Variants in CORO7 observed in about 807,000 individuals in gnomAD.
The protein encoded by CORO7 is coronin-7.
Under a neutral mutation model 126.6 loss-of-function variants are expected in CORO7, and 107 were observed. The ratio of observed to expected loss-of-function variants is 0.85; its 90% CI spans 0.72 to 0.99. CORO7 has a LOEUF of 0.99. Among genes scored for constraint, CORO7 ranks in the 50% least tolerant of loss-of-function variants. The pLI, the probability that CORO7 is intolerant of heterozygous loss-of-function variation, is 0.00. For synonymous variants in CORO7, 603 were observed against 536.8 expected (o/e 1.12, Z -1.70); for missense variants, 1,314 against 1,255.8 (o/e 1.05, Z -0.70).
chr16:4,380,249 C>A (rs1400774154), intron 9 of CORO7, among the ~76,000 whole-genome samples: 1 of 152,206 alleles, frequency 6.6e-6, no homozygotes, highest in African/African-American at 2.4e-5. Context: ...TGGCCTCTGC[C>A]CCTCCTCCAG....
intron 20 of CORO7, 34 bp from the exon 21 acceptor site, chr16:4,360,397 A>C: frequency 6.2e-7 from 1 of 1,613,096 alleles, no homozygotes; most frequent in Non-Finnish European, 8.5e-7. Context: ...CCCAGCCAGC[A>C]CCCCTGAACC....
intron 9 of CORO7, chr16:4,381,803 T>C (rs1331540624): frequency 5.6e-6 from 9 of 1,600,460 alleles, no homozygotes; most frequent in African/African-American, 1.3e-5. Flanking sequence ...CTGAGCTGGT[T>C]TGGCCCCTGG....
At chr16:4,384,508 A>G (rs2055122820) in intron 9 of CORO7, among the ~76,000 whole-genome samples, 1 of 152,150 alleles carries the variant, frequency 6.6e-6, no homozygotes, top group Non-Finnish European at 1.5e-5. Flanking sequence ...ACCCCATGCC[A>G]CTGTCCCACA....
intron 9 of CORO7, among the ~76,000 whole-genome samples, chr16:4,378,517 G>A (rs1330502987): frequency 1.3e-5 from 2 of 152,180 alleles, no homozygotes; most frequent in East Asian, 3.9e-4. Context: ...CTGGAGGCCA[G>A]GCCGCACCCG....
chr16:4,382,322 G>A (rs757268380), intron 9 of CORO7: 64 of 1,611,012 alleles, frequency 4.0e-5, no homozygotes, highest in Middle Eastern at 1.6e-4. Flanking sequence ...GGGCTGCAGC[G>A]CTACCTCCAG....
intron 9 of CORO7, among the ~76,000 whole-genome samples, chr16:4,377,447 G>C (rs950773646): frequency 6.6e-6 from 1 of 152,062 alleles, no homozygotes; most frequent in African/African-American, 2.4e-5. Flanking sequence ...CCAGGCGGGC[G>C]GGACAGCTCC....
At chr16:4,382,705 C>T in intron 9 of CORO7, 5 of 1,549,452 alleles carry the variant, frequency 3.2e-6, no homozygotes, top group South Asian at 1.2e-5. Context: ...AGCAGCGGCT[C>T]AGGACAAAGG....
intron 5 of CORO7, among the ~76,000 whole-genome samples, chr16:4,406,898 C>T (rs2056018814): frequency 6.6e-6 from 1 of 152,182 alleles, no homozygotes; most frequent in South Asian, 2.1e-4. Flanking sequence ...CTTGGCCTCC[C>T]AAAGTGCTGG....
At chr16:4,374,756 T>C (rs766033524) in intron 9 of CORO7, among the ~76,000 whole-genome samples, 11 of 151,522 alleles carry the variant, frequency 7.3e-5, no homozygotes, top group Non-Finnish European at 1.6e-4. Flanking sequence ...CCCTGGGTGA[T>C]TGTGGGGGGT....
Position 4,359,315 on chromosome 16 carries a change from G to T in CORO7, c.2321C>A (p.Thr774Lys). Residue 774 changes from threonine (T) to lysine (K), a missense_variant, in exon 23 of 28, where the codon ACG becomes AAG. Coordinates refer to ENST00000251166, the MANE Select transcript of CORO7 (RefSeq NM_024535.5). ...SPFFLECNSFTSPDPHKGLVL... is the reference protein window; with the variant it reads ...SPFFLECNSFKSPDPHKGLVL... ...CCTCACCTTGTGGGGGTCAGGCGAC[G>T]TGAAGCTGTTGCACTCCAGGAAGAA... The T allele has an allele frequency of 6.2e-7, 1 of 1,610,298 alleles. No homozygotes were observed. Among genetic ancestry groups the T allele is most frequent in the Non-Finnish European group, 8.5e-7 (1 of 1,178,800 alleles).
intron 9 of CORO7, chr16:4,381,487 C>T (rs1354116225): frequency 1.3e-6 from 2 of 1,586,466 alleles, no homozygotes; most frequent in Admixed American, 1.8e-5. Context: ...TGGTCTGGGG[C>T]TGCAGCAGCT....
intron 6 of CORO7, among the ~76,000 whole-genome samples, chr16:4,400,445 C>T (rs1029682019): frequency 2.6e-5 from 4 of 152,118 alleles, no homozygotes; most frequent in Admixed American, 1.3e-4. Context: ...ATCAGCCTGA[C>T]CAACATGGAG....
chr16:4,361,026 A>T lies in CORO7; in HGVS notation c.1834T>A (p.Ser612Thr). ...FHPLAANVLA[S>T]SSYDLTVRIW... ...CGAACAGTGAGGTCATAGGAGGACG[A>T]GGCCAGCACATTGGCTGCCAGTGGG... The change falls in exon 19 of 28, where the codon TCG becomes ACG. Residue 612 changes from serine to threonine, a missense_variant. Transcript: ENST00000251166. The T allele has an allele frequency of 6.2e-7, 1 of 1,613,372 alleles. No individual in the cohort carries two copies. Among genetic ancestry groups the T allele is most frequent in the Non-Finnish European group, 8.5e-7 (1 of 1,180,014 alleles).
chr16:4,358,584 T>A, intron 23 of CORO7, 101 bp from the exon 24 acceptor site: 1 of 1,103,654 alleles, frequency 9.1e-7, no homozygotes, highest in Non-Finnish European at 1.3e-6. Context: ...AGGACCACCA[T>A]GCCTAGGGCC....
chr16:4,398,568 A>G (rs2055686004), intron 6 of CORO7, among the ~76,000 whole-genome samples: 1 of 151,980 alleles, frequency 6.6e-6, no homozygotes, highest in African/African-American at 2.4e-5. Context: ...CGGGAGGCTG[A>G]GGAAGGAGAA....
intron 6 of CORO7, among the ~76,000 whole-genome samples, chr16:4,404,949 C>A (rs528183424): frequency 2.1e-4 from 32 of 152,180 alleles, no homozygotes; most frequent in Non-Finnish European, 4.0e-4. Context: ...ACAGGCACAA[C>A]CCTTACTCAC....
At chr16:4,411,213 G>T (rs1269483929) in intron 3 of CORO7, among the ~76,000 whole-genome samples, 1 of 152,154 alleles carries the variant, frequency 6.6e-6, no homozygotes, top group Non-Finnish European at 1.5e-5. Flanking sequence ...AACATAACAA[G>T]ACCCCATTTT....
chr16:4,363,724 A>C (rs2054258745), intron 14 of CORO7, among the ~76,000 whole-genome samples: 1 of 150,376 alleles, frequency 6.6e-6, no homozygotes. Flanking sequence ...AACAAAAACA[A>C]AAACAAAAAT....
At position 4,361,227 on chromosome 16, in the gene CORO7, C is replaced by A. The variant is rs200011523; in HGVS notation, c.1709G>T (p.Arg570Leu). The change falls in exon 18 of 28, where the codon CGA (arginine) becomes CTA (leucine). Residue 570 changes from arginine (R) to leucine (L), a missense_variant. By Grantham distance (102) the Arg-to-Leu change is moderately radical. Transcript: ENST00000251166. The stretch of plus-strand genomic sequence containing the variant: ...GCCCTCTGCGGGTACCCGCCACAGT[C>A]GGATCCTGGCGTCCTCACCAGCTGC... The part of the protein sequence containing the change: ...LAVAGEDARI[R>L]LWRVPAEGLE... 6.2e-7 allele frequency: 1 copy of A among 1,612,722 alleles called. No homozygotes were observed. Among genetic ancestry groups the A allele is most frequent in the South Asian group, 1.1e-5 (1 of 91,084 alleles).
Sources: gnomAD v4.1 joint callset for allele counts (sites outside exome capture counted in the v4.1 genomes callset) on GRCh38, gnomAD v4.1.1 for gene constraint, MANE v1.5 for transcripts, NCBI Gene and HGNC (gene_info 2026-07-23, HGNC 2026-07-21) for gene names.